Variants in ALDH6A1 observed in about 807,000 individuals in gnomAD.
ALDH6A1 encodes the protein aldehyde dehydrogenase 6 family member A1.
A neutral mutation model predicts 62.6 loss-of-function variants in ALDH6A1; 43 were observed. That is an observed-to-expected ratio of 0.69 (90% CI 0.54 to 0.89). The LOEUF is 0.89. Among genes scored for constraint, ALDH6A1 ranks in the 40% least tolerant of loss-of-function variants. ALDH6A1 has a pLI of 0.00. For synonymous variants in ALDH6A1, 194 were observed against 234.2 expected (o/e 0.83, Z 1.57); for missense variants, 551 against 661.3 (o/e 0.83, Z 1.83).
chr14:74,082,378 G>A (rs1297337834), intron 1 of ALDH6A1, among the ~76,000 whole-genome samples: 2 of 148,666 alleles, frequency 1.3e-5, no homozygotes, highest in Non-Finnish European at 3.0e-5. Flanking sequence ...AATATTCATG[G>A]CTGCCAAAAT....
intron 2 of ALDH6A1, 39 bp from the exon 3 acceptor site, chr14:74,072,650 T>C: frequency 1.3e-6 from 2 of 1,599,180 alleles, no homozygotes; most frequent in Non-Finnish European, 1.7e-6. Context: ...AACAAAAACA[T>C]GAAACTTTGT....
At chr14:74,069,976 T>C (rs1252942246) in intron 6 of ALDH6A1, among the ~76,000 whole-genome samples, 1 of 150,694 alleles carries the variant, frequency 6.6e-6, no homozygotes, top group African/African-American at 2.4e-5. Flanking sequence ...CTCATGGGAC[T>C]ACCTGCACAT....
At chr14:74,071,621 T>C in intron 5 of ALDH6A1, 124 bp from the exon 6 acceptor site, 1 of 1,576,794 alleles carries the variant, frequency 6.3e-7, no homozygotes, top group Non-Finnish European at 8.6e-7. Flanking sequence ...GTACACTGAC[T>C]TGCCCTTCCA....
chr14:74,074,781 A>C (rs765719), intron 2 of ALDH6A1, among the ~76,000 whole-genome samples, 174 bp downstream of exon 2: 16,941 of 152,230 alleles, frequency 0.11, 1,239 homozygotes, highest in Admixed American at 0.19. Flanking sequence ...AGCCATGAAA[A>C]TGTTTGTATC....
chr14:74,072,621 AC>A lies in ALDH6A1; in HGVS notation c.112-11del, dbSNP rs375892601. On this transcript the variant is annotated splice_polypyrimidine_tract_variant and intron_variant, in intron 2 of 11. Coordinates refer to ENST00000553458, the MANE Select transcript of ALDH6A1 (RefSeq NM_005589.4). ...AGAGCTTTACAGTTGGCTGAAAAAA[AC>A]AAACAAACAAACAAACAAACAAAAA... 370 of 1,540,106 alleles carry A rather than the reference AC, an allele frequency of 2.4e-4. 1 individual carries two copies. Among genetic ancestry groups the A allele is most frequent in the East Asian group, 1.2e-3 (52 of 42,958 alleles).
chr14:74,071,982 G>A lies in ALDH6A1; in HGVS notation c.349-8C>T. ...TAACTTGGCAATTTCTTTCTAGAGA[G>A]AAGACACACAAATAGAAATTAATGC... On this transcript the variant is annotated splice_polypyrimidine_tract_variant and splice_region_variant and intron_variant, in intron 4 of 11. Transcript: ENST00000553458. 6.2e-7 allele frequency: 1 copy of A among 1,612,900 alleles called. No homozygotes were observed. The highest frequency in any genetic ancestry group is 8.5e-7 in the Non-Finnish European group (1 of 1,178,868).
Position 74,057,015 on chromosome 14 carries a change from C to T in ALDH6A1, c.*3627G>A. ...CTCTTGCTTAAGTAATAAACATGAGCCCAACACGATGGTTCTTGTGGGCAT... is the reference window on the plus strand; with the variant it reads ...CTCTTGCTTAAGTAATAAACATGAGTCCAACACGATGGTTCTTGTGGGCAT... On this transcript the variant is annotated 3_prime_UTR_variant, in exon 12 of 12. Coordinates refer to ENST00000553458, the MANE Select transcript of ALDH6A1 (RefSeq NM_005589.4). 6.3e-7 allele frequency: 1 copy of T among 1,590,148 alleles called. No individual in the cohort carries two copies. The highest frequency in any genetic ancestry group is 2.2e-5 in the East Asian group (1 of 44,740).
chr14:74,057,404 A>G lies in ALDH6A1; in HGVS notation c.*3238T>C. 6.5e-7 allele frequency: 1 copy of G among 1,530,638 alleles called. No individual in the cohort carries two copies. The highest frequency in any genetic ancestry group is 2.5e-5 in the East Asian group (1 of 40,808). The allele number at this position is 1,530,638 out of a possible 1,614,324, so 94.8% of individuals were successfully genotyped here. On this transcript the variant is annotated 3_prime_UTR_variant, in exon 12 of 12. Coordinates refer to ENST00000553458, the MANE Select transcript of ALDH6A1 (RefSeq NM_005589.4). Reference sequence around the variant, plus strand: ...GTAATAAATAGCATTAGTAGATTACATAAATTTTTAAAGCAATATCCGTAC... The same window carrying G: ...GTAATAAATAGCATTAGTAGATTACGTAAATTTTTAAAGCAATATCCGTAC...
Position 74,064,927 on chromosome 14 carries a change from C to G in ALDH6A1, c.1405-7G>C. The G allele has an allele frequency of 1.2e-6, 2 of 1,610,876 alleles. No individual in the cohort carries two copies. Among genetic ancestry groups the G allele is most frequent in the African/African-American group, 1.3e-5 (1 of 74,938 alleles). On this transcript the variant is annotated splice_region_variant and splice_polypyrimidine_tract_variant and intron_variant, in intron 10 of 11. Coordinates refer to ENST00000553458, the MANE Select transcript of ALDH6A1 (RefSeq NM_005589.4). ...TGGGGACATTCACTCCCACCTAAAA[C>G]AGAACAAATCCGTGTCATATCCTAA...
Position 74,071,896 on chromosome 14 carries a change from G to C in ALDH6A1, c.427C>G (p.Gln143Glu). The change falls in exon 5 of 12, where the codon CAG becomes GAG. Residue 143 changes from glutamine (Q) to glutamate (E), a missense_variant and splice_region_variant. Transcript: ENST00000553458. ...DAEGDVFRGL[Q>E]VVEHACSVTS... ...GTCCCATAAGGGGCTCCCAGCTTAC[G>C]AAGGCCTCGAAATACATCTCCTTCA... is the stretch of plus-strand genomic sequence containing the variant. 6.2e-7 allele frequency: 1 copy of C among 1,614,108 alleles called. No homozygotes were observed. The highest frequency in any genetic ancestry group is 8.5e-7 in the Non-Finnish European group (1 of 1,179,974).
intron 11 of ALDH6A1, 152 bp downstream of exon 11, chr14:74,064,670 C>CT: frequency 2.5e-6 from 4 of 1,613,870 alleles, no homozygotes; most frequent in Non-Finnish European, 3.4e-6. Context: ...ATTTTGTTAA[C>CT]TTTTAAATCT....
In ALDH6A1 at chr14:74,065,373, AT is replaced by A; in HGVS notation, c.1225-14del. 1.9e-6 allele frequency: 3 copies of A among 1,613,414 alleles called. No individual in the cohort carries two copies. In the South Asian group the frequency reaches 3.3e-5, roughly 18 times the overall value. ...AGGTCATATTTGGCTGCCAGGAGTG[AT>A]GCATCCAGAAAAGAAGTCAGCTTTT... is the stretch of plus-strand genomic sequence containing the variant. On this transcript the variant is annotated splice_polypyrimidine_tract_variant and intron_variant, in intron 9 of 11. Transcript: ENST00000553458.
chr14:74,068,449 A>C (rs1425286413), intron 7 of ALDH6A1, among the ~76,000 whole-genome samples: 1 of 151,548 alleles, frequency 6.6e-6, no homozygotes, highest in East Asian at 2.0e-4. Context: ...ATTAAAGAGA[A>C]GACATTCAGG....
In ALDH6A1 at chr14:74,057,682, T is replaced by A. The variant is rs188421153; in HGVS notation, c.*2960A>T. On this transcript the variant is annotated 3_prime_UTR_variant, in exon 12 of 12. Coordinates refer to ENST00000553458, the MANE Select transcript of ALDH6A1 (RefSeq NM_005589.4). Reference sequence around the variant, plus strand: ...CCAAGTTTTTCTCTTTAAGAGTTTTTAATTTATAATTTGTTATTCATAATT... The same window carrying A: ...CCAAGTTTTTCTCTTTAAGAGTTTTAAATTTATAATTTGTTATTCATAATT... 1,457 of 1,284,538 alleles carry A rather than the reference T, an allele frequency of 1.1e-3. 4 individuals are homozygous for A. Among genetic ancestry groups the A allele is most frequent in the South Asian group, 1.8e-3 (137 of 75,070 alleles). 79.6% of individuals were successfully genotyped at this position (1,284,538 alleles called of 1,614,324 possible). A position where few individuals can be genotyped will look rare whatever the true frequency, so the allele number is the denominator to read the frequency against.
intron 11 of ALDH6A1, among the ~76,000 whole-genome samples, chr14:74,061,837 G>T (rs2060348296): frequency 6.6e-6 from 1 of 151,958 alleles, no homozygotes; most frequent in South Asian, 2.1e-4. Flanking sequence ...AATACATTGT[G>T]CAGATCTAAC....
chr14:74,067,622 G>T, intron 7 of ALDH6A1, 53 bp from the exon 8 acceptor site: 1 of 1,588,966 alleles, frequency 6.3e-7, no homozygotes. Context: ...ATACAACTAA[G>T]CTAAGAAATT....
chr14:74,077,485 T>G (rs1027496205), intron 1 of ALDH6A1, among the ~76,000 whole-genome samples: 1 of 152,210 alleles, frequency 6.6e-6, no homozygotes, highest in Non-Finnish European at 1.5e-5. Flanking sequence ...CGAGGGCTTC[T>G]GTCCTGTGTC....
rs1400771669 is a variant in ALDH6A1, at chr14:74,059,360, T to A, written c.*1282A>T. ...TTTCATGGTTGGAACAATCCTTGATTTCTGGGCCTAAAATAACTTTTGAAA... is the reference window on the plus strand; with the variant it reads ...TTTCATGGTTGGAACAATCCTTGATATCTGGGCCTAAAATAACTTTTGAAA... On this transcript the variant is annotated 3_prime_UTR_variant, in exon 12 of 12. Transcript: ENST00000553458. The A allele has an allele frequency of 2.2e-6, 1 of 456,558 alleles. No individual in the cohort carries two copies. Among genetic ancestry groups the A allele is most frequent in the Non-Finnish European group, 4.4e-6 (1 of 226,932 alleles). The allele number at this position is 456,558 out of a possible 1,614,324, so 28.3% of individuals were successfully genotyped here. A position where few individuals can be genotyped will look rare whatever the true frequency, so the allele number is the denominator to read the frequency against.
intron 11 of ALDH6A1, among the ~76,000 whole-genome samples, 153 bp from the exon 12 acceptor site, chr14:74,060,899 G>A (rs928891417): frequency 6.6e-6 from 1 of 151,966 alleles, no homozygotes; most frequent in African/African-American, 2.4e-5. Flanking sequence ...TAAGATAATT[G>A]ATCTAAAACA....
Sources: gnomAD v4.1 joint callset for allele counts (sites outside exome capture counted in the v4.1 genomes callset) on GRCh38, gnomAD v4.1.1 for gene constraint, MANE v1.5 for transcripts, NCBI Gene and HGNC (gene_info 2026-07-23, HGNC 2026-07-21) for gene names.